EPS8L1: variants seen among roughly 807,000 people sequenced by gnomAD.
EPS8L1 encodes epidermal growth factor receptor kinase substrate 8-like protein 1.
Under a neutral mutation model 91.7 loss-of-function variants are expected in EPS8L1, and 101 were observed. The observed-to-expected ratio is 1.10, with a 90% confidence interval of 0.94 to 1.30. The LOEUF (loss-of-function observed/expected upper bound fraction) is 1.30. Ranked by LOEUF, EPS8L1 falls within the 50% of genes most tolerant of loss-of-function variation. The pLI, the probability that EPS8L1 is intolerant of heterozygous loss-of-function variation, is 0.00. For synonymous variants in EPS8L1, 506 were observed against 445.3 expected (o/e 1.14, Z -1.72); for missense variants, 1,114 against 1,017.0 (o/e 1.10, Z -1.30).
At chr19:55,086,957 C>T in intron 18 of EPS8L1, 69 bp downstream of exon 18, 3 of 1,397,196 alleles carry the variant, frequency 2.1e-6, no homozygotes, top group Non-Finnish European at 2.8e-6. Flanking sequence ...TCCGATCGGC[C>T]GGGAGTCGGG....
Position 55,083,545 on chromosome 19 carries a change from G to A in EPS8L1, c.1356+26G>A. On this transcript the variant is annotated intron_variant, in intron 13 of 19. Transcript: ENST00000201647. This position sits in a 1 kb window ranked among gnomAD's most constrained non-coding sequence, Gnocchi z 4.7. Reference sequence around the variant, plus strand: ...GTGACCCAAGCGACACAGCAGGGCCGAGGCTGGGAAGTCCGGGGGCGCGGC... The same window carrying A: ...GTGACCCAAGCGACACAGCAGGGCCAAGGCTGGGAAGTCCGGGGGCGCGGC... 2 of 1,604,470 alleles carry A rather than the reference G, an allele frequency of 1.2e-6. No homozygotes were observed. The highest frequency in any genetic ancestry group is 1.7e-6 in the Non-Finnish European group (2 of 1,175,654).
At chr19:55,076,296 T>A (rs1467588194) in intron 1 of EPS8L1, 112 bp from the exon 2 acceptor site, 2 of 929,478 alleles carry the variant, frequency 2.2e-6, no homozygotes, top group Non-Finnish European at 3.2e-6. Context: ...CCTGGACTCC[T>A]GGGCCTGAGG....
At chr19:55,082,988 T>A (rs1416718190) in intron 12 of EPS8L1, among the ~76,000 whole-genome samples, 1 of 151,964 alleles carries the variant, frequency 6.6e-6, no homozygotes, top group East Asian at 1.9e-4. Flanking sequence ...AGGGAAAGGG[T>A]CAGAACCTGA....
In EPS8L1 at chr19:55,087,758, T is replaced by A; in HGVS notation, c.*144T>A. Reference sequence around the variant, plus strand: ...CTTCCCCCATCCCGGTGGACAGACTTAACGATCCTTGCTGCAGTCCCTCCG... The same window carrying A: ...CTTCCCCCATCCCGGTGGACAGACTAAACGATCCTTGCTGCAGTCCCTCCG... On this transcript the variant is annotated 3_prime_UTR_variant, in exon 20 of 20. Transcript: ENST00000201647. 1.2e-6 allele frequency: 1 copy of A among 823,108 alleles called. No homozygotes were observed. Among genetic ancestry groups the A allele is most frequent in the Non-Finnish European group, 2.0e-6 (1 of 504,960 alleles). The allele number at this position is 823,108 out of a possible 1,614,324, so 51.0% of individuals were successfully genotyped here.
chr19:55,078,169 G>T, intron 3 of EPS8L1, 41 bp downstream of exon 3: 4 of 1,606,134 alleles, frequency 2.5e-6, no homozygotes, highest in Non-Finnish European at 3.4e-6. Flanking sequence ...ATAGAACTGG[G>T]TCTAAAGAAA....
Position 55,082,122 on chromosome 19 carries a change from C to T in EPS8L1, c.932C>T (p.Pro311Leu), listed in dbSNP as rs763840536. The change falls in exon 10 of 20, where the codon CCC (proline) becomes CTC (leucine). Residue 311 changes from proline (P) to leucine (L), a missense_variant. Transcript: ENST00000201647. ...EGLLTLRAKP[P>L]SEAEYTDVLQ... ...TTGCTGACGCTGCGGGCCAAGCCGC[C>T]CTCGGAGGCCGAGTACACCGACGTG... 2.1e-5 allele frequency: 33 copies of T among 1,602,174 alleles called. No homozygotes were observed. The highest frequency in any genetic ancestry group is 4.3e-6 in the Non-Finnish European group (5 of 1,175,022).
rs2076269777 is a variant in EPS8L1 at position 55,081,819 on chromosome 19, G to A, written c.821G>A (p.Arg274Lys). 6.2e-7 allele frequency: 1 copy of A among 1,612,892 alleles called. No individual in the cohort carries two copies. Among genetic ancestry groups the A allele is most frequent in the Non-Finnish European group, 8.5e-7 (1 of 1,179,172 alleles). Residue 274 changes from arginine to lysine, a missense_variant, in exon 9 of 20, where the codon AGG becomes AAG. Transcript: ENST00000201647. The surrounding 1 kb of genome is among the most constrained non-coding windows in gnomAD (Gnocchi z 4.9). ...GACGACGTAGAGAGCTTTGTATCGA[G>A]GCTGCAGAAGTCGGCGGAGGCGGCC... ...VFDDVESFVS[R>K]LQKSAEAARV... is the part of the protein sequence containing the mutation.
chr19:55,083,246 G>A lies in EPS8L1; in HGVS notation c.1215-132G>A. 1 of 1,244,396 alleles carries A rather than the reference G, an allele frequency of 8.0e-7. No homozygotes were observed. The highest frequency in any genetic ancestry group is 1.1e-6 in the Non-Finnish European group (1 of 890,112). The allele number at this position is 1,244,396 out of a possible 1,614,324, so 77.1% of individuals were successfully genotyped here. A position where few individuals can be genotyped will look rare whatever the true frequency, so the allele number is the denominator to read the frequency against. On this transcript the variant is annotated intron_variant, in intron 12 of 19. Transcript: ENST00000201647. This position sits in a 1 kb window ranked among gnomAD's most constrained non-coding sequence, Gnocchi z 4.7. ...GGGCTTAGAGCTACCGGCAGGACTT[G>A]GTGAAAAGTGGCGGGGCTAGAATCG...
chr19:55,084,809 C>G (rs2076339327), intron 14 of EPS8L1, among the ~76,000 whole-genome samples: 1 of 152,204 alleles, frequency 6.6e-6, no homozygotes, highest in Non-Finnish European at 1.5e-5. Context: ...TAATGATTAT[C>G]CGTTCCCGGA....
In EPS8L1 at chr19:55,086,409, A is replaced by T; in HGVS notation, c.1668A>T (p.Pro556=). 1.3e-6 allele frequency: 2 copies of T among 1,567,644 alleles called. No homozygotes were observed. Among genetic ancestry groups the T allele is most frequent in the Non-Finnish European group, 1.7e-6 (2 of 1,155,148 alleles). ...CCTTTCAGAACAGCACTCCTCCTCCACCACCAGCCCCAGCCCCGGCCCCAC... is the reference window on the plus strand; with the variant it reads ...CCTTTCAGAACAGCACTCCTCCTCCTCCACCAGCCCCAGCCCCGGCCCCAC... ...PARSLNSTPP[P]PPAPAPAPPP... is the part of the protein sequence containing the mutation. Residue 556 remains proline, a synonymous_variant, in exon 17 of 20, where the codon CCA becomes CCT. Coordinates refer to ENST00000201647, the MANE Select transcript of EPS8L1 (RefSeq NM_133180.3).
chr19:55,079,619 T>C (rs577887436), intron 4 of EPS8L1, 71 bp from the exon 5 acceptor site: 145 of 1,538,444 alleles, frequency 9.4e-5, no homozygotes, highest in Admixed American at 9.2e-4. Flanking sequence ...GAAAGTCTGA[T>C]TATTCTGGGG....
rs377275134 is a variant in EPS8L1, at chr19:55,081,725, G to T, written c.775-48G>T. 1.3e-6 allele frequency: 2 copies of T among 1,565,340 alleles called. No individual in the cohort carries two copies. Among genetic ancestry groups the T allele is most frequent in the Admixed American group, 3.8e-5 (2 of 52,400 alleles). ...TCAGGTTCAGGGCTTCGACGGGGAT[G>T]GTTTTGGAACTCGGGAGCCCTGAGC... On this transcript the variant is annotated intron_variant, in intron 8 of 19. Transcript: ENST00000201647. The surrounding 1 kb of genome is among the most constrained non-coding windows in gnomAD (Gnocchi z 4.9).
intron 10 of EPS8L1, 37 bp downstream of exon 10, chr19:55,082,217 A>G (rs766549534): frequency 1.9e-6 from 3 of 1,592,198 alleles, no homozygotes; most frequent in Non-Finnish European, 2.6e-6. Context: ...GGGCGCGGGC[A>G]CGACGAACCT....
intron 17 of EPS8L1, 80 bp from the exon 18 acceptor site, chr19:55,086,634 C>CGCCCCCCCCCCCCCCCCCCCCG: frequency 7.3e-7 from 1 of 1,374,854 alleles, no homozygotes; most frequent in Non-Finnish European, 9.8e-7. Context: ...GACGCTGGAG[C>CGCCCCCCCCCCCCCCCCCCCCG]GCCCCCCCGC....
In EPS8L1 at chr19:55,081,339, G is replaced by C. The variant is rs768349344; in HGVS notation, c.621G>C (p.Ala207=). 43 of 1,558,334 alleles carry C rather than the reference G, an allele frequency of 2.8e-5. No individual in the cohort carries two copies. Among genetic ancestry groups the C allele is most frequent in the Non-Finnish European group, 3.5e-5 (41 of 1,156,998 alleles). ...TGATCAGCACCGTAGAGCGGGGCGC[G>C]GGCCGCGGACGACCCCAGGCGAAGC... ...RAVISTVERG[A]GRGRPQAKPI... The change falls in exon 8 of 20, where the codon GCG becomes GCC. Residue 207 remains alanine (A), a synonymous_variant. Coordinates refer to ENST00000201647, the MANE Select transcript of EPS8L1 (RefSeq NM_133180.3). The surrounding 1 kb of genome is among the most constrained non-coding windows in gnomAD (Gnocchi z 4.9).
Position 55,087,842 on chromosome 19 carries a change from T to A in EPS8L1, c.*228T>A. 1.9e-6 allele frequency: 1 copy of A among 538,766 alleles called. No individual in the cohort carries two copies. Among genetic ancestry groups the A allele is most frequent in the Admixed American group, 3.1e-5 (1 of 31,768 alleles). The allele number at this position is 538,766 out of a possible 1,614,324, so 33.4% of individuals were successfully genotyped here. A position where few individuals can be genotyped will look rare whatever the true frequency, so the allele number is the denominator to read the frequency against. On this transcript the variant is annotated 3_prime_UTR_variant, in exon 20 of 20. Transcript: ENST00000201647. ...CGTGGAGACAGTCTACGGAAAGCGC[T>A]AGCAGACCCCCGAGAGGGTGCAGTG...
Position 55,083,405 on chromosome 19 carries a change from C to T in EPS8L1, c.1242C>T (p.Pro414=), listed in dbSNP as rs1053677559. The T allele has an allele frequency of 3.1e-6, 5 of 1,612,992 alleles. No homozygotes were observed. The highest frequency in any genetic ancestry group is 2.7e-5 in the African/African-American group (2 of 74,948). The change falls in exon 13 of 20, where the codon CCC becomes CCT. Residue 414 remains proline (P), a synonymous_variant. Transcript: ENST00000201647. The surrounding 1 kb of genome is among the most constrained non-coding windows in gnomAD (Gnocchi z 4.7). ...PGLELSPEEG[P]PYRPEFFSGW... ...TGGAGCTGTCCCCGGAGGAGGGACC[C>T]CCATACAGACCCGAGTTCTTCAGCG...
intron 16 of EPS8L1, 25 bp from the exon 17 acceptor site, chr19:55,086,367 G>C: frequency 6.3e-7 from 1 of 1,594,628 alleles, no homozygotes; most frequent in South Asian, 1.1e-5. Flanking sequence ...CCCTAACCCA[G>C]GTACTCTCCT....
Position 55,082,575 on chromosome 19 carries a change from C to T in EPS8L1, c.1187C>T (p.Ser396Leu), listed in dbSNP as rs868104781. The T allele has an allele frequency of 1.9e-5, 30 of 1,575,762 alleles. No homozygotes were observed. The highest frequency in any genetic ancestry group is 3.5e-4 in the Middle Eastern group (2 of 5,770). The change falls in exon 12 of 20, where the codon TCG becomes TTG. Residue 396 changes from serine to leucine, a missense_variant. Ser to Leu is a moderately radical substitution (Grantham distance 145). Coordinates refer to ENST00000201647, the MANE Select transcript of EPS8L1 (RefSeq NM_133180.3). The part of the protein sequence containing the change: ...VTPRENELWT[S>L]LGDSWTRPGL... ...CCACGTGAAAACGAGCTCTGGACCT[C>T]GCTGGGGGACTCGTGGACCCGCCCC...
Sources: allele counts gnomAD v4.1 joint callset (sites outside exome capture counted in the v4.1 genomes callset), GRCh38; gene constraint gnomAD v4.1.1; non-coding constraint Gnocchi (gnomAD v3.1); transcripts MANE v1.5; gene names NCBI Gene and HGNC (gene_info 2026-07-23, HGNC 2026-07-21).